Variants in ZSCAN20 observed in about 807,000 individuals in gnomAD.
ZSCAN20 encodes the protein zinc finger and SCAN domain containing 20, also known as zinc finger and SCAN domain-containing protein 20.
In ZSCAN20, 39 loss-of-function variants were observed where a neutral mutation model predicts 97.1. That is an observed-to-expected ratio of 0.40 (90% CI 0.31 to 0.52). ZSCAN20 has a LOEUF of 0.52. Among genes scored for constraint, ZSCAN20 ranks in the 20% least tolerant of loss-of-function variants. The pLI is 0.49. For missense variants in ZSCAN20, 1,115 were observed against 1,290.4 expected, an observed-to-expected ratio of 0.86 and a Z score of 2.08; for synonymous variants, 456 against 467.3, an observed-to-expected ratio of 0.98 and a Z score of 0.31.
chr1:33,492,849 T>C (rs1652680352), intron 6 of ZSCAN20, among the ~76,000 whole-genome samples: 1 of 143,892 alleles, frequency 6.9e-6, no homozygotes, highest in African/African-American at 2.6e-5. Flanking sequence ...ATGGGGAAAA[T>C]CACATGCATC....
At position 33,498,537 on chromosome 1, in the gene ZSCAN20, G is replaced by A. The variant is rs1652953349; in HGVS notation, c.*3061G>A. 6.6e-6 allele frequency among the ~76,000 whole-genome samples: 1 copy of A among 152,132 alleles called. No homozygotes were observed. Among genetic ancestry groups the A allele is most frequent in the Non-Finnish European group, 1.5e-5 (1 of 68,018 alleles). ...CTGGGCACCCAGGCGCCCTCCAGTA[G>A]GTCTGTGCTGCTCAGATAAACTGAC... On this transcript the variant is annotated 3_prime_UTR_variant, in exon 8 of 8. Coordinates refer to ENST00000684572, the MANE Select transcript of ZSCAN20 (RefSeq NM_001377376.1).
At chr1:33,489,680 C>T (rs763464864) in intron 5 of ZSCAN20, 78 bp downstream of exon 5, 41 of 1,331,628 alleles carry the variant, frequency 3.1e-5, no homozygotes, top group Non-Finnish European at 4.4e-5. Flanking sequence ...TTTGCCGCTC[C>T]TTTAAGAATC....
Position 33,501,262 on chromosome 1 carries a change from C to T in ZSCAN20, c.*5786C>T, listed in dbSNP as rs181210026. Reference sequence around the variant, plus strand: ...CATCAGTAGTAGGGGCAGGAGCTCACGCTAAACCCGGTTGGTGTGTCCTGG... The same window carrying T: ...CATCAGTAGTAGGGGCAGGAGCTCATGCTAAACCCGGTTGGTGTGTCCTGG... On this transcript the variant is annotated 3_prime_UTR_variant, in exon 8 of 8. Coordinates refer to ENST00000684572, the MANE Select transcript of ZSCAN20 (RefSeq NM_001377376.1). Among the ~76,000 whole-genome samples the T allele has an allele frequency of 1.9e-4, 29 of 152,312 alleles. No homozygotes were observed. Among genetic ancestry groups the T allele is most frequent in the Non-Finnish European group, 3.1e-4 (21 of 68,018 alleles).
rs1653030974 is a variant in ZSCAN20 at position 33,500,540 on chromosome 1, A to G, written c.*5064A>G. The stretch of plus-strand genomic sequence containing the variant: ...TTAGATAATTTTACCTAAACATGCT[A>G]TAGTCGACTAGGGAGTCACATAGAC... On this transcript the variant is annotated 3_prime_UTR_variant, in exon 8 of 8. Transcript: ENST00000684572. 1.3e-5 allele frequency among the ~76,000 whole-genome samples: 2 copies of G among 152,174 alleles called. No homozygotes were observed. The highest frequency in any genetic ancestry group is 4.8e-5 in the African/African-American group (2 of 41,446).
chr1:33,496,695 G>A lies in ZSCAN20; in HGVS notation c.*1219G>A, dbSNP rs1248813710. Among the ~76,000 whole-genome samples, 1 of 152,102 alleles carries A rather than the reference G, an allele frequency of 6.6e-6. No homozygotes were observed. ...TGGCTTTTCCTTTTGGCAAGCAGAA[G>A]CTTTGTTCTTGGTCCCCATGCCAAG... On this transcript the variant is annotated 3_prime_UTR_variant, in exon 8 of 8. Coordinates refer to ENST00000684572, the MANE Select transcript of ZSCAN20 (RefSeq NM_001377376.1).
chr1:33,488,035 A>T (rs1197908821), intron 2 of ZSCAN20, among the ~76,000 whole-genome samples: 1 of 152,066 alleles, frequency 6.6e-6, no homozygotes, highest in African/African-American at 2.4e-5. Flanking sequence ...GAGCAATTGC[A>T]TTTGGGGTTA....
At chr1:33,474,668 A>C (rs1489439564) in intron 1 of ZSCAN20, among the ~76,000 whole-genome samples, 1 of 152,204 alleles carries the variant, frequency 6.6e-6, no homozygotes, top group Non-Finnish European at 1.5e-5. Context: ...GAAGTCCACC[A>C]TCATGCTTTA....
chr1:33,485,968 G>A (rs1338293435), intron 2 of ZSCAN20, among the ~76,000 whole-genome samples: 1 of 152,078 alleles, frequency 6.6e-6, no homozygotes, highest in Non-Finnish European at 1.5e-5. Flanking sequence ...CATCTTAGGT[G>A]GGACAGGATG....
intron 2 of ZSCAN20, among the ~76,000 whole-genome samples, chr1:33,487,422 G>C (rs941174019): frequency 3.9e-5 from 6 of 152,098 alleles, no homozygotes; most frequent in African/African-American, 1.4e-4. Context: ...GAAATTAGCT[G>C]TGTGATTGAT....
chr1:33,485,641 T>G (rs1422752793), intron 2 of ZSCAN20, among the ~76,000 whole-genome samples: 1 of 152,094 alleles, frequency 6.6e-6, no homozygotes, highest in African/African-American at 2.4e-5. Flanking sequence ...CTTGAACTCC[T>G]GGCTTCAAAT....
Position 33,493,707 on chromosome 1 carries a change from A to C in ZSCAN20, c.1873+92A>C, listed in dbSNP as rs925645642. 170 of 1,354,046 alleles carry C rather than the reference A, an allele frequency of 1.3e-4. No individual in the cohort carries two copies. Among genetic ancestry groups the C allele is most frequent in the Non-Finnish European group, 1.7e-4 (168 of 1,003,008 alleles). The allele number at this position is 1,354,046 out of a possible 1,614,324, so 83.9% of individuals were successfully genotyped here. A position where few individuals can be genotyped will look rare whatever the true frequency, so the allele number is the denominator to read the frequency against. On this transcript the variant is annotated intron_variant, in intron 7 of 7. Transcript: ENST00000684572. This position sits in a 1 kb window ranked among gnomAD's most constrained non-coding sequence, Gnocchi z 4.3. ...TCATTATCTTTTGTCTCTTAACTAA[A>C]AGAGAGAATGGGATTGAATGGGAAA...
rs1236447773 is a variant in ZSCAN20 at position 33,493,238 on chromosome 1, G to C, written c.1496G>C (p.Ser499Thr). ...EETKAFLAIL[S>T]ESPFSEKLRT... ...ACCAAGGCCTTCCTGGCAATTCTCA[G>C]TGAGTCCCCATTCTCGGAAAAGCTT... Residue 499 changes from serine (S) to threonine (T), a missense_variant, in exon 7 of 8, where the codon AGT becomes ACT. Around this residue, in one of 3 missense-constraint regions of ZSCAN20, gnomAD observed 53 missense variants for 94.3 expected, o/e 0.56. Coordinates refer to ENST00000684572, the MANE Select transcript of ZSCAN20 (RefSeq NM_001377376.1). The surrounding 1 kb of genome is among the most constrained non-coding windows in gnomAD (Gnocchi z 4.3). The C allele has an allele frequency of 5.6e-6, 9 of 1,614,208 alleles. No individual in the cohort carries two copies. Among genetic ancestry groups the C allele is most frequent in the Non-Finnish European group, 7.6e-6 (9 of 1,180,036 alleles).
chr1:33,476,635 CT>C (rs1172461042), intron 1 of ZSCAN20, among the ~76,000 whole-genome samples: 8 of 152,158 alleles, frequency 5.3e-5, no homozygotes, highest in Admixed American at 4.6e-4. Context: ...AGCTGGTACT[CT>C]ATAAATGATT....
Position 33,491,685 on chromosome 1 carries a change from T to C in ZSCAN20, c.1427T>C (p.Leu476Pro). The C allele has an allele frequency of 1.3e-6, 2 of 1,595,864 alleles. No individual in the cohort carries two copies. The highest frequency in any genetic ancestry group is 1.7e-6 in the Non-Finnish European group (2 of 1,173,008). The part of the protein sequence containing the change: ...QGPRIAGAPA[L>P]FQSRIAGVHW... ...CCCAGGATTGCAGGGGCCCCAGCTC[T>C]GTTCCAGAGTCGTATTGGTAAGAAC... The change falls in exon 6 of 8, where the codon CTG (leucine) becomes CCG (proline). Residue 476 changes from leucine (L) to proline (P), a missense_variant. By Grantham distance (98) the Leu-to-Pro change is moderately conservative. This residue lies in a region of ZSCAN20 where 508 missense variants were observed against 611.2 expected (regional missense o/e 0.83). Transcript: ENST00000684572. The surrounding 1 kb of genome is among the most constrained non-coding windows in gnomAD (Gnocchi z 4.3).
In ZSCAN20 at chr1:33,495,674, T is replaced by C. The variant is rs1456116167; in HGVS notation, c.*198T>C. The C allele has an allele frequency of 2.4e-5, 11 of 453,700 alleles. No homozygotes were observed. Among genetic ancestry groups the C allele is most frequent in the Non-Finnish European group, 4.1e-5 (11 of 269,248 alleles). The allele number at this position is 453,700 out of a possible 1,614,324, so 28.1% of individuals were successfully genotyped here. On this transcript the variant is annotated 3_prime_UTR_variant, in exon 8 of 8. Transcript: ENST00000684572. ...AAGGCACTTTTAAGTGTAATTTGTT[T>C]TTCTTCTGTAAAGACCCACACAGAA...
chr1:33,493,563 C>T lies in ZSCAN20; in HGVS notation c.1821C>T (p.Ala607=), dbSNP rs1280808982. The T allele has an allele frequency of 1.9e-6, 3 of 1,608,662 alleles. No individual in the cohort carries two copies. Among genetic ancestry groups the T allele is most frequent in the African/African-American group, 2.7e-5 (2 of 74,734 alleles). The change falls in exon 7 of 8, where the codon GCC becomes GCT. Residue 607 remains alanine, a synonymous_variant. Coordinates refer to ENST00000684572, the MANE Select transcript of ZSCAN20 (RefSeq NM_001377376.1). This position sits in a 1 kb window ranked among gnomAD's most constrained non-coding sequence, Gnocchi z 4.3. ...TDAQEAWGEV[A]NEDAVKPSTL... ...CCCAGGAGGCCTGGGGTGAAGTGGC[C>T]AATGAAGATGCTGTCAAACCTTCAA...
intron 1 of ZSCAN20, among the ~76,000 whole-genome samples, chr1:33,477,110 T>C (rs544591272): frequency 2.6e-5 from 4 of 152,076 alleles, no homozygotes; most frequent in South Asian, 2.1e-4. Context: ...TTTGGTGATA[T>C]AGGATCAGGG....
chr1:33,490,758 C>T (rs1298533906), intron 5 of ZSCAN20, among the ~76,000 whole-genome samples: 2 of 151,826 alleles, frequency 1.3e-5, no homozygotes, highest in South Asian at 2.1e-4. Flanking sequence ...ATCTGTGGAC[C>T]AATGAGTTAC....
At chr1:33,480,433 G>A (rs145608563) in intron 2 of ZSCAN20, among the ~76,000 whole-genome samples, 60 of 152,304 alleles carry the variant, frequency 3.9e-4, no homozygotes, top group South Asian at 1.9e-3. Flanking sequence ...AAATCCTTAG[G>A]TTCCAAGGTC....
Sources: allele counts gnomAD v4.1 joint callset (sites outside exome capture counted in the v4.1 genomes callset), GRCh38; gene constraint gnomAD v4.1.1; regional missense constraint gnomAD v4.1.1; non-coding constraint Gnocchi (gnomAD v3.1); transcripts MANE v1.5; gene names NCBI Gene and HGNC (gene_info 2026-07-23, HGNC 2026-07-21).